Variants in DPF3 observed in about 807,000 individuals in gnomAD.
DPF3 encodes the protein double PHD fingers 3.
In DPF3, 18 loss-of-function variants were observed where a neutral mutation model predicts 56.8. That is an observed-to-expected ratio of 0.32 (90% CI 0.22 to 0.47). The LOEUF is 0.47. Among genes scored for constraint, DPF3 ranks in the 20% least tolerant of loss-of-function variants. DPF3 has a pLI of 1.00. For synonymous variants in DPF3, 188 were observed against 180.2 expected (o/e 1.04, Z -0.35); for missense variants, 403 against 488.8 (o/e 0.82, Z 1.65).
At chr14:72,879,588 A>G (rs1886247267) in intron 1 of DPF3, among the ~76,000 whole-genome samples, 1 of 152,284 alleles carries the variant, frequency 6.6e-6, no homozygotes, top group East Asian at 1.9e-4. Flanking sequence ...ACCATCCAGA[A>G]GATGACAGAT....
In DPF3 at chr14:72,887,152, A is replaced by AACACACACACAC. The variant is rs149200705; in HGVS notation, c.32+6893_32+6904dup. ...AAAATTGGTTACCCTTCTGCCTCCA[A>AACACACACACAC]ACACACACACACACACACACACACA... is the stretch of plus-strand genomic sequence containing the variant. On this transcript the variant is annotated intron_variant, in intron 1 of 10. Transcript: ENST00000556509. Among the ~76,000 whole-genome samples the AACACACACACAC allele has an allele frequency of 4.4e-4, 61 of 138,136 alleles. No individual in the cohort carries two copies. The South Asian group carries it at 7.0e-3, about 16-fold the overall frequency. 90.6% of individuals were successfully genotyped at this position (138,136 alleles called of 152,430 possible).
At chr14:72,714,304 A>G (rs1457388080) in intron 6 of DPF3, 119 bp downstream of exon 6, 1 of 1,265,212 alleles carries the variant, frequency 7.9e-7, no homozygotes, top group African/African-American at 1.5e-5. Context: ...GGGTGCAGAC[A>G]GAGGAAGAGG....
intron 1 of DPF3, among the ~76,000 whole-genome samples, chr14:72,825,930 C>T (rs1883780448): frequency 6.6e-6 from 1 of 151,940 alleles, no homozygotes. Flanking sequence ...CTGCCCTTCT[C>T]AGAGATCAAT....
chr14:72,836,387 G>A, intron 1 of DPF3: 1 of 985,486 alleles, frequency 1.0e-6, no homozygotes. Flanking sequence ...TCAGAGCAGG[G>A]GGCAAACCCC....
intron 8 of DPF3, among the ~76,000 whole-genome samples, chr14:72,659,004 GA>G (rs60858681): frequency 0.037 from 5,435 of 146,258 alleles, 246 homozygotes; most frequent in African/African-American, 0.088. Context: ...GACCTCCCTT[GA>G]AAAAAAAAAA....
intron 1 of DPF3, among the ~76,000 whole-genome samples, chr14:72,790,163 G>C (rs1892370658): frequency 6.6e-6 from 1 of 152,106 alleles, no homozygotes; most frequent in Non-Finnish European, 1.5e-5. Flanking sequence ...GAGATGGGAG[G>C]ACTGCTTGAG....
chr14:72,694,813 T>C (rs371251413), intron 6 of DPF3, among the ~76,000 whole-genome samples: 6 of 152,352 alleles, frequency 3.9e-5, no homozygotes, highest in African/African-American at 1.2e-4. Flanking sequence ...AAGTAGTTCT[T>C]CTTATTCCTG....
At chr14:72,797,463 A>G (rs926096082) in intron 1 of DPF3, among the ~76,000 whole-genome samples, 1 of 152,238 alleles carries the variant, frequency 6.6e-6, no homozygotes, top group Non-Finnish European at 1.5e-5. Context: ...TCAACAGCCA[A>G]TAAAAGTCCT....
At position 72,723,803 on chromosome 14, in the gene DPF3, G is replaced by A. The variant is rs1164243301; in HGVS notation, c.430-75C>T. Reference sequence around the variant, plus strand: ...AAAAACCATCAGAGAGTAATTTTAAGGGTGTTCTGATTTGTTGTTATTTTT... The same window carrying A: ...AAAAACCATCAGAGAGTAATTTTAAAGGTGTTCTGATTTGTTGTTATTTTT... On this transcript the variant is annotated intron_variant, in intron 4 of 10. Coordinates refer to ENST00000556509, the MANE Select transcript of DPF3 (RefSeq NM_001280542.3). The A allele has an allele frequency of 3.6e-6, 5 of 1,388,180 alleles. No homozygotes were observed. The African/African-American group carries it at 4.4e-5, about 12-fold the overall frequency. The allele number at this position is 1,388,180 out of a possible 1,614,324, so 86.0% of individuals were successfully genotyped here.
chr14:72,751,943 C>T (rs1290778392), intron 3 of DPF3, among the ~76,000 whole-genome samples: 1 of 152,166 alleles, frequency 6.6e-6, no homozygotes, highest in Non-Finnish European at 1.5e-5. Flanking sequence ...GGTATAAGGA[C>T]ACTGGAGACT....
At chr14:72,706,032 C>T (rs1249179356) in intron 6 of DPF3, among the ~76,000 whole-genome samples, 1 of 152,190 alleles carries the variant, frequency 6.6e-6, no homozygotes, top group Admixed American at 6.5e-5. Context: ...TTAATTAACC[C>T]TTCCTCTCCC....
At chr14:72,814,345 G>A (rs1301302470) in intron 1 of DPF3, among the ~76,000 whole-genome samples, 1 of 150,478 alleles carries the variant, frequency 6.6e-6, no homozygotes, top group Non-Finnish European at 1.5e-5. Context: ...GGATGTGTGT[G>A]AGAGCGAGAG....
intron 1 of DPF3, among the ~76,000 whole-genome samples, chr14:72,883,644 C>T (rs928540998): frequency 6.6e-6 from 1 of 152,160 alleles, no homozygotes; most frequent in Non-Finnish European, 1.5e-5. Flanking sequence ...TATAAAGAAT[C>T]TGGCCTGGCA....
rs374689734 is a variant in DPF3, at chr14:72,874,987, C to T, written c.32+19070G>A. Among the ~76,000 whole-genome samples the T allele has an allele frequency of 1.7e-4, 26 of 152,274 alleles. No individual in the cohort carries two copies. In the East Asian group the frequency reaches 2.9e-3, roughly 17 times the overall value. Reference sequence around the variant, plus strand: ...CAGTTCCACGTGGCTGGGGAGGCCTCGGAATCATGGCAGGAAGTGAAAGAC... The same window carrying T: ...CAGTTCCACGTGGCTGGGGAGGCCTTGGAATCATGGCAGGAAGTGAAAGAC... On this transcript the variant is annotated intron_variant, in intron 1 of 10. Transcript: ENST00000556509.
At chr14:72,833,242 G>C (rs1362212357) in intron 1 of DPF3, among the ~76,000 whole-genome samples, 4 of 152,180 alleles carry the variant, frequency 2.6e-5, no homozygotes, top group Non-Finnish European at 5.9e-5. Flanking sequence ...AAAACTGGGT[G>C]GGAAGAGGGC....
intron 1 of DPF3, among the ~76,000 whole-genome samples, chr14:72,885,893 T>C (rs1000297064): frequency 1.3e-5 from 2 of 152,154 alleles, no homozygotes; most frequent in Admixed American, 1.3e-4. Flanking sequence ...TGCTACAACA[T>C]GGATGAACAA....
chr14:72,722,524 T>C (rs1372561312), intron 5 of DPF3, among the ~76,000 whole-genome samples: 1 of 152,244 alleles, frequency 6.6e-6, no homozygotes, highest in Non-Finnish European at 1.5e-5. Context: ...GTGATCCTAA[T>C]GTCTGCTGAG....
At chr14:72,643,671 A>G (rs1237803015) in intron 8 of DPF3, among the ~76,000 whole-genome samples, 5 of 152,188 alleles carry the variant, frequency 3.3e-5, no homozygotes, top group South Asian at 4.1e-4. Context: ...CTGGGTGTCC[A>G]GGTCCTCCCT....
chr14:72,838,953 C>T lies in DPF3; in HGVS notation c.32+55104G>A, dbSNP rs566971912. On this transcript the variant is annotated intron_variant, in intron 1 of 10. Coordinates refer to ENST00000556509, the MANE Select transcript of DPF3 (RefSeq NM_001280542.3). Reference sequence around the variant, plus strand: ...TTTTTTTTTTTTGGAGACAGAATCTCGCTGTTGCCCAGGCTGGAGTTCAGT... The same window carrying T: ...TTTTTTTTTTTTGGAGACAGAATCTTGCTGTTGCCCAGGCTGGAGTTCAGT... Among the ~76,000 whole-genome samples the T allele has an allele frequency of 2.8e-4, 28 of 98,252 alleles. No individual in the cohort carries two copies. The South Asian group carries it at 7.8e-3, about 27-fold the overall frequency. 64.5% of individuals were successfully genotyped at this position (98,252 alleles called of 152,430 possible). A position where few individuals can be genotyped will look rare whatever the true frequency, so the allele number is the denominator to read the frequency against.
Sources: allele counts gnomAD v4.1 joint callset (sites outside exome capture counted in the v4.1 genomes callset), GRCh38; gene constraint gnomAD v4.1.1; transcripts MANE v1.5; gene names NCBI Gene and HGNC (gene_info 2026-07-23, HGNC 2026-07-21).